The following SPAG17 variants were observed in gnomAD, a reference collection of about 807,000 sequenced individuals.
The protein encoded by SPAG17 is sperm associated antigen 17.
In SPAG17, 169 loss-of-function variants were observed where a neutral mutation model predicts 273.6. That is an observed-to-expected ratio of 0.62 (90% CI 0.55 to 0.70). The LOEUF is 0.70. Among genes scored for constraint, SPAG17 ranks in the 30% least tolerant of loss-of-function variants. The pLI, the probability that SPAG17 is intolerant of heterozygous loss-of-function variation, is 0.00. For synonymous variants in SPAG17, 825 were observed against 873.2 expected (o/e 0.94, Z 0.97); for missense variants, 2,557 against 2,627.8 (o/e 0.97, Z 0.59).
At chr1:118,024,142 C>A (rs1233126006) in intron 27 of SPAG17, among the ~76,000 whole-genome samples, 2 of 151,980 alleles carry the variant, frequency 1.3e-5, no homozygotes, top group African/African-American at 4.8e-5. Flanking sequence ...CATTCGGTTG[C>A]CCTGTTTAAT....
intron 32 of SPAG17, among the ~76,000 whole-genome samples, chr1:117,999,620 G>A (rs773432648): frequency 7.2e-5 from 11 of 152,178 alleles, no homozygotes; most frequent in Non-Finnish European, 1.5e-4. Flanking sequence ...CTGCATAAAT[G>A]TCTTCTTTTG....
chr1:118,106,993 C>A (rs573636276), intron 4 of SPAG17, among the ~76,000 whole-genome samples: 21 of 152,108 alleles, frequency 1.4e-4, no homozygotes, highest in Non-Finnish European at 2.2e-4. Flanking sequence ...GAAAGGAGGG[C>A]GGACTACAAC....
intron 32 of SPAG17, among the ~76,000 whole-genome samples, chr1:118,003,641 C>T (rs530017534): frequency 3.9e-5 from 6 of 152,266 alleles, no homozygotes; most frequent in African/African-American, 1.4e-4. Flanking sequence ...ATGAAGTTCT[C>T]ATGTCATGGT....
At chr1:118,015,159 C>A (rs1353087687) in intron 29 of SPAG17, among the ~76,000 whole-genome samples, 1 of 151,842 alleles carries the variant, frequency 6.6e-6, no homozygotes, top group Non-Finnish European at 1.5e-5. Context: ...GTGGCAGGTG[C>A]CTGTTATCCC....
intron 15 of SPAG17, among the ~76,000 whole-genome samples, chr1:118,076,889 GC>G (rs1334683006): frequency 6.6e-6 from 1 of 151,984 alleles, no homozygotes; most frequent in African/African-American, 2.4e-5. Context: ...AGATCCCTCT[GC>G]AAAGCAGTTA....
At position 117,957,038 on chromosome 1, in the gene SPAG17, G is replaced by T. The variant is rs1402826271; in HGVS notation, c.*1-2989C>A. 7.2e-6 allele frequency: 11 copies of T among 1,529,152 alleles called. No homozygotes were observed. In the South Asian group the frequency reaches 1.4e-4, roughly 20 times the overall value. The allele number at this position is 1,529,152 out of a possible 1,614,324, so 94.7% of individuals were successfully genotyped here. On this transcript the variant is annotated intron_variant, in intron 48 of 48. Transcript: ENST00000336338. ...CATGTTAACAACGTTAACAAATGTG[G>T]CATTTTTATATTTATTTTTTCTTTT... is the stretch of plus-strand genomic sequence containing the variant.
chr1:118,006,220 A>G (rs989696764), intron 31 of SPAG17, among the ~76,000 whole-genome samples: 14 of 152,228 alleles, frequency 9.2e-5, no homozygotes, highest in Non-Finnish European at 1.3e-4. Flanking sequence ...CACTTTTATC[A>G]TCGCCCAAAG....
intron 3 of SPAG17, among the ~76,000 whole-genome samples, chr1:118,128,838 G>T (rs1309286376): frequency 6.6e-6 from 1 of 152,116 alleles, no homozygotes; most frequent in Admixed American, 6.5e-5. Flanking sequence ...TTCAGGCATT[G>T]CCCTCTCTCT....
intron 32 of SPAG17, among the ~76,000 whole-genome samples, chr1:118,004,266 G>T (rs930808034): frequency 6.6e-6 from 1 of 152,148 alleles, no homozygotes; most frequent in African/African-American, 2.4e-5. Flanking sequence ...GGCTACACGG[G>T]GGTCATGGAC....
chr1:118,019,825 G>GA (rs1356589250), intron 28 of SPAG17, among the ~76,000 whole-genome samples: 1 of 152,158 alleles, frequency 6.6e-6, no homozygotes, highest in Non-Finnish European at 1.5e-5. Flanking sequence ...TGTACTGAGA[G>GA]AAAATATCTA....
chr1:117,962,572 G>A (rs532416726), intron 48 of SPAG17: 4 of 149,940 alleles, frequency 2.7e-5, no homozygotes, highest in African/African-American at 9.8e-5. Flanking sequence ...GCTCTTGAAT[G>A]ATGTATTGGG....
chr1:117,992,851 A>T (rs1657264025), intron 35 of SPAG17, among the ~76,000 whole-genome samples: 1 of 152,152 alleles, frequency 6.6e-6, no homozygotes, highest in Admixed American at 6.6e-5. Flanking sequence ...CTCTTTATTT[A>T]TGTTACTAAG....
chr1:117,995,916 G>A (rs1657601267), intron 34 of SPAG17, among the ~76,000 whole-genome samples: 1 of 152,018 alleles, frequency 6.6e-6, no homozygotes, highest in African/African-American at 2.4e-5. Flanking sequence ...AATGAATGTA[G>A]CTTATATAAG....
chr1:118,030,435 C>G (rs1158918832), intron 25 of SPAG17, among the ~76,000 whole-genome samples: 1 of 151,144 alleles, frequency 6.6e-6, no homozygotes, highest in African/African-American at 2.4e-5. Context: ...ATTTATTTTA[C>G]TTTAAGTTCT....
chr1:118,046,409 C>T (rs1275087657), intron 20 of SPAG17, among the ~76,000 whole-genome samples: 2 of 151,758 alleles, frequency 1.3e-5, no homozygotes, highest in African/African-American at 4.8e-5. Flanking sequence ...TTTGTAGCAA[C>T]ACAAAAAAAT....
chr1:118,114,440 A>C (rs897303810), intron 4 of SPAG17, among the ~76,000 whole-genome samples: 12 of 152,162 alleles, frequency 7.9e-5, no homozygotes, highest in Admixed American at 7.2e-4. Context: ...GGTCTTGCAA[A>C]GGTGAAGAAG....
At position 117,954,051 on chromosome 1, in the gene SPAG17, T is replaced by G. The variant is rs1314337748; in HGVS notation, c.*1-2A>C. On this transcript the variant is annotated splice_acceptor_variant, in intron 48 of 48. Coordinates refer to ENST00000336338, the MANE Select transcript of SPAG17 (RefSeq NM_206996.4). LOFTEE classifies it low-confidence loss of function (3UTR_SPLICE). ...CTATTGAGTTGTACCGAGAAGAAACTGCAAAAATGAAGGAACACAAAGCCA... is the reference window on the plus strand; with the variant it reads ...CTATTGAGTTGTACCGAGAAGAAACGGCAAAAATGAAGGAACACAAAGCCA... 1.2e-6 allele frequency: 2 copies of G among 1,612,122 alleles called. No individual in the cohort carries two copies. The highest frequency in any genetic ancestry group is 3.3e-5 in the Admixed American group (2 of 59,896).
At chr1:117,972,076 G>C (rs758210398) in intron 44 of SPAG17, 29 bp from the exon 45 acceptor site, 3 of 1,558,170 alleles carry the variant, frequency 1.9e-6, no homozygotes, top group Non-Finnish European at 2.6e-6. Context: ...TTAATAAAAT[G>C]GTTCTATTTT....
intron 28 of SPAG17, among the ~76,000 whole-genome samples, chr1:118,020,605 T>G (rs1221511756): frequency 6.6e-6 from 1 of 152,012 alleles, no homozygotes; most frequent in African/African-American, 2.4e-5. Context: ...TTTCACAAAT[T>G]AAGAAATAAT....
Sources: allele counts gnomAD v4.1 joint callset (sites outside exome capture counted in the v4.1 genomes callset), GRCh38; gene constraint gnomAD v4.1.1; transcripts MANE v1.5; gene names NCBI Gene and HGNC (gene_info 2026-07-23, HGNC 2026-07-21).